Variants in NAV3 observed in about 807,000 individuals in gnomAD.
The protein encoded by NAV3 is neuron navigator 3.
In NAV3, 87 loss-of-function variants were observed where a neutral mutation model predicts 244.7. That is an observed-to-expected ratio of 0.36 (90% CI 0.30 to 0.42). The LOEUF (loss-of-function observed/expected upper bound fraction) is 0.42. Ranked by LOEUF, NAV3 falls within the 20% of genes least tolerant of loss-of-function variation. NAV3 has a pLI of 1.00. For synonymous variants in NAV3, 1,126 were observed against 1,042.2 expected (o/e 1.08, Z -1.55); for missense variants, 2,663 against 2,893.3 (o/e 0.92, Z 1.83).
chr12:77,928,608 G>A (rs2137278963), intron 1 of NAV3, among the ~76,000 whole-genome samples: 1 of 152,270 alleles, frequency 6.6e-6, no homozygotes, highest in African/African-American at 2.4e-5. Context: ...GACTATGAAT[G>A]ACATGGTTTG....
At chr12:77,952,805 C>T (rs770885503) in intron 3 of NAV3, among the ~76,000 whole-genome samples, 2 of 152,004 alleles carry the variant, frequency 1.3e-5, no homozygotes, top group Non-Finnish European at 2.9e-5. Flanking sequence ...TCTCGTGAAA[C>T]TGGGAGAGGG....
intron 12 of NAV3, among the ~76,000 whole-genome samples, chr12:78,066,440 C>A (rs989368687): frequency 6.6e-6 from 1 of 151,994 alleles, no homozygotes; most frequent in African/African-American, 2.4e-5. Context: ...GATGATTCAT[C>A]CAGGTAGCTA....
intron 1 of NAV3, among the ~76,000 whole-genome samples, chr12:77,861,982 C>T (rs543545100): frequency 5.9e-5 from 9 of 151,664 alleles, no homozygotes; most frequent in Non-Finnish European, 1.0e-4. Context: ...TAAATACTAT[C>T]GAAAGTCAAG....
rs149352914 is a variant in NAV3 at position 77,695,171 on chromosome 12, T to C, written c.72+122905T>C. On this transcript the variant is annotated intron_variant, in intron 2 of 8. Coordinates refer to the NAV3 transcript ENST00000550042. ...TTTTTAACTAATATGATCCCATTTG[T>C]CCATTTTTCTTTGGTTGCCTGTGCT... 2.8e-3 allele frequency among the ~76,000 whole-genome samples: 421 copies of C among 152,312 alleles called. 4 individuals carry two copies. The highest frequency in any genetic ancestry group is 9.7e-3 in the African/African-American group (405 of 41,572).
chr12:78,091,163 C>T (rs886788629), intron 12 of NAV3, among the ~76,000 whole-genome samples: 7 of 151,978 alleles, frequency 4.6e-5, no homozygotes, highest in South Asian at 2.1e-4. Context: ...TTATAATGTG[C>T]GACTAAGGGT....
intron 2 of NAV3, among the ~76,000 whole-genome samples, chr12:77,707,957 A>T (rs1204100264): frequency 6.6e-6 from 1 of 152,112 alleles, no homozygotes; most frequent in Admixed American, 6.5e-5. Flanking sequence ...TTTGGATATT[A>T]GCCCTTTGTC....
chr12:77,632,756 C>T (rs1161244444), intron 2 of NAV3, among the ~76,000 whole-genome samples: 1 of 152,132 alleles, frequency 6.6e-6, no homozygotes, highest in African/African-American at 2.4e-5. Flanking sequence ...AAAAGTAATA[C>T]ACCAATTTTT....
At chr12:77,597,056 G>A (rs75326702) in intron 2 of NAV3, among the ~76,000 whole-genome samples, 8,341 of 152,140 alleles carry the variant, frequency 0.055, 506 homozygotes, top group African/African-American at 0.15. Context: ...TCAAAGAGCA[G>A]TATTCTGATA....
At chr12:77,876,809 T>C (rs1426890851) in intron 1 of NAV3, among the ~76,000 whole-genome samples, 1 of 152,092 alleles carries the variant, frequency 6.6e-6, no homozygotes, top group African/African-American at 2.4e-5. Context: ...AAATTTGGCT[T>C]AAGATTGGGC....
At chr12:78,149,020 A>G in intron 22 of NAV3, 101 bp downstream of exon 22, 2 of 929,038 alleles carry the variant, frequency 2.2e-6, no homozygotes, top group Non-Finnish European at 3.3e-6. Context: ...CCTGATACAG[A>G]CTTAGATTAC....
Position 78,119,178 on chromosome 12 carries a change from G to T in NAV3, c.3041-59G>T, listed in dbSNP as rs549220542. 33 of 1,416,316 alleles carry T rather than the reference G, an allele frequency of 2.3e-5. No individual in the cohort carries two copies. The South Asian group carries it at 3.3e-4, about 14-fold the overall frequency. 87.7% of individuals were successfully genotyped at this position (1,416,316 alleles called of 1,614,324 possible). On this transcript the variant is annotated intron_variant, in intron 14 of 39. Coordinates refer to ENST00000397909, the MANE Select transcript of NAV3 (RefSeq NM_001024383.2). ...ATTCACATTTTACACATTGTTTCAC[G>T]AAGTGTGGTGATATCAAACTCTACA...
At chr12:77,757,499 T>C (rs908483874) in intron 2 of NAV3, among the ~76,000 whole-genome samples, 3 of 152,226 alleles carry the variant, frequency 2.0e-5, no homozygotes, top group Middle Eastern at 3.2e-3. Context: ...AGGTGCCACA[T>C]AATTAGTAAT....
intron 2 of NAV3, among the ~76,000 whole-genome samples, chr12:77,678,753 A>C (rs1874317934): frequency 6.6e-6 from 1 of 152,042 alleles, no homozygotes; most frequent in Admixed American, 6.6e-5. Context: ...ATCTGTAAAA[A>C]CTCAGGAGCA....
intron 2 of NAV3, among the ~76,000 whole-genome samples, chr12:77,695,878 G>A (rs546105469): frequency 2.0e-5 from 3 of 152,138 alleles, no homozygotes; most frequent in Non-Finnish European, 2.9e-5. Flanking sequence ...GTGATCAGAT[G>A]TCACCATGGC....
At chr12:78,019,789 A>G (rs1448479492) in intron 8 of NAV3, among the ~76,000 whole-genome samples, 3 of 152,102 alleles carry the variant, frequency 2.0e-5, no homozygotes, top group Non-Finnish European at 4.4e-5. Flanking sequence ...GTGGGACCCA[A>G]CCATGCAAGA....
chr12:77,805,958 G>A (rs1406373243), intron 2 of NAV3, among the ~76,000 whole-genome samples: 1 of 152,110 alleles, frequency 6.6e-6, no homozygotes, highest in Admixed American at 6.5e-5. Context: ...TTGTGTAGAG[G>A]TTTTTATTGT....
intron 2 of NAV3, among the ~76,000 whole-genome samples, chr12:77,809,389 G>A (rs558393638): frequency 6.6e-6 from 1 of 152,328 alleles, no homozygotes; most frequent in Non-Finnish European, 1.5e-5. Flanking sequence ...TTTCCTCACA[G>A]CACAGTCCCT....
chr12:78,152,027 G>A (rs939772415), intron 22 of NAV3, among the ~76,000 whole-genome samples: 2 of 150,768 alleles, frequency 1.3e-5, no homozygotes, highest in South Asian at 2.1e-4. Flanking sequence ...AAAGATCTAC[G>A]ACAGTTCTTT....
chr12:78,187,634 T>G (rs1958784137), intron 31 of NAV3, among the ~76,000 whole-genome samples: 1 of 151,918 alleles, frequency 6.6e-6, no homozygotes, highest in African/African-American at 2.4e-5. Flanking sequence ...ATCCTGTAGG[T>G]TTCTCTGGCA....
Sources: allele counts gnomAD v4.1 joint callset (sites outside exome capture counted in the v4.1 genomes callset), GRCh38; gene constraint gnomAD v4.1.1; transcripts MANE v1.5; gene names NCBI Gene and HGNC (gene_info 2026-07-23, HGNC 2026-07-21).